CPLANE1: variants seen among roughly 807,000 people sequenced by gnomAD.
The protein encoded by CPLANE1 is ciliogenesis and planar polarity effector complex subunit 1.
A neutral mutation model predicts 362.5 loss-of-function variants in CPLANE1; 263 were observed. That is an observed-to-expected ratio of 0.73 (90% CI 0.66 to 0.80). CPLANE1 has a LOEUF of 0.80. Ranked by LOEUF, CPLANE1 falls within the 30% of genes least tolerant of loss-of-function variation. The pLI, the probability that CPLANE1 is intolerant of heterozygous loss-of-function variation, is 0.00. For missense variants in CPLANE1, 3,461 were observed against 3,793.4 expected, an observed-to-expected ratio of 0.91 and a Z score of 2.30; for synonymous variants, 1,212 against 1,302.6, an observed-to-expected ratio of 0.93 and a Z score of 1.50.
intron 46 of CPLANE1, among the ~76,000 whole-genome samples, chr5:37,138,335 T>C (rs1768452483): frequency 6.6e-6 from 1 of 152,252 alleles, no homozygotes; most frequent in Non-Finnish European, 1.5e-5. Context: ...AAGTCTGTTT[T>C]ATCTGATATA....
intron 21 of CPLANE1, among the ~76,000 whole-genome samples, chr5:37,189,298 G>A (rs539688214): frequency 1.7e-3 from 256 of 152,290 alleles, no homozygotes; most frequent in African/African-American, 5.6e-3. Flanking sequence ...CAGAAAGCAG[G>A]TCTTCTACAC....
Position 37,226,776 on chromosome 5 carries a change from A to C in CPLANE1, c.1819T>G (p.Tyr607Asp). 6.5e-7 allele frequency: 1 copy of C among 1,533,814 alleles called. No individual in the cohort carries two copies. The highest frequency in any genetic ancestry group is 1.4e-5 in the African/African-American group (1 of 72,306). Residue 607 changes from tyrosine (Y) to aspartate (D), a missense_variant, in exon 12 of 53, where the codon TAC becomes GAC. By Grantham distance (160) the Tyr-to-Asp change is radical. Transcript: ENST00000651892. ...GGACATTTTATAAATTGAAGAATGT[A>C]AAAAAAATGAGTGATACAAACTACT... ...YIVVCITHFFYILQFIKCPFP... is the reference protein window; with the variant it reads ...YIVVCITHFFDILQFIKCPFP...
chr5:37,148,709 G>A (rs1317736429), intron 42 of CPLANE1, among the ~76,000 whole-genome samples: 4 of 152,146 alleles, frequency 2.6e-5, no homozygotes, highest in Non-Finnish European at 4.4e-5. Context: ...AAGTGAAGAT[G>A]TTTGTATTTA....
intron 35 of CPLANE1, among the ~76,000 whole-genome samples, 171 bp downstream of exon 35, chr5:37,166,876 A>T (rs1280559345): frequency 6.6e-6 from 1 of 152,240 alleles, no homozygotes; most frequent in African/African-American, 2.4e-5. Context: ...GTCTCGCAAA[A>T]TAGGAATTTT....
intron 46 of CPLANE1, among the ~76,000 whole-genome samples, chr5:37,129,966 C>T (rs998717604): frequency 1.3e-5 from 2 of 152,102 alleles, no homozygotes; most frequent in Admixed American, 6.5e-5. Flanking sequence ...CAGCACAATT[C>T]GCAATTGCAA....
At chr5:37,102,440 G>A (rs568505258), downstream of CPLANE1, among the ~76,000 whole-genome samples, 13 of 152,132 alleles carry the variant, frequency 8.5e-5, no homozygotes, top group East Asian at 1.5e-3. Flanking sequence ...CACCCACCTC[G>A]GCCTCCCAAA....
At chr5:37,077,567 G>C in the CPLANE1 span, among the ~76,000 whole-genome samples, 20 of 145,034 alleles carry the variant, frequency 1.4e-4, no homozygotes, top group African/African-American at 4.8e-4. Context: ...AAATATTTAT[G>C]AATACACTAT....
At chr5:37,212,453 T>C (rs1290654806) in intron 16 of CPLANE1, 2 of 717,392 alleles carry the variant, frequency 2.8e-6, no homozygotes, top group East Asian at 5.2e-5. Context: ...TTGTAAATGT[T>C]TCTCTATCAA....
intron 31 of CPLANE1, among the ~76,000 whole-genome samples, chr5:37,175,423 T>C (rs567216183): frequency 6.6e-6 from 1 of 152,228 alleles, no homozygotes; most frequent in Non-Finnish European, 1.5e-5. Context: ...TATTGGGCTT[T>C]GCTTTCAACA....
At chr5:37,172,134 CTTCT>C (rs1403550060) in intron 32 of CPLANE1, among the ~76,000 whole-genome samples, 4 of 151,994 alleles carry the variant, frequency 2.6e-5, no homozygotes, top group African/African-American at 4.8e-5. Context: ...AAGAGGCTGG[CTTCT>C]TTCTATTTTT....
chr5:37,242,222 C>T (rs906805014), intron 6 of CPLANE1, among the ~76,000 whole-genome samples: 44 of 151,794 alleles, frequency 2.9e-4, no homozygotes, highest in African/African-American at 4.8e-5. Flanking sequence ...GGCCTGGTGG[C>T]GGGCACCTGT....
At chr5:37,212,057 G>A in intron 16 of CPLANE1, 1 of 902,272 alleles carries the variant, frequency 1.1e-6, no homozygotes, top group Non-Finnish European at 1.9e-6. Context: ...AAGAAAGAAG[G>A]CAGAGTAACC....
chr5:37,107,623 G>A lies in CPLANE1; in HGVS notation c.9735C>T (p.Val3245=), dbSNP rs757516761. 9 of 1,610,746 alleles carry A rather than the reference G, an allele frequency of 5.6e-6. No individual in the cohort carries two copies. Among genetic ancestry groups the A allele is most frequent in the South Asian group, 1.1e-5 (1 of 90,504 alleles). ...GGTCTTACAGGTCCAGGGCCCAGTG[G>A]ACAGACAGGCCCTGGTCCTCCACGC... is the stretch of plus-strand genomic sequence containing the variant. ...VASVEDQGLS[V]HWALDL The change falls in exon 53 of 53, where the codon GTC becomes GTT. Residue 3245 remains valine (V), a synonymous_variant. Coordinates refer to ENST00000651892, the MANE Select transcript of CPLANE1 (RefSeq NM_001384732.1).
intron 15 of CPLANE1, among the ~76,000 whole-genome samples, chr5:37,220,227 G>A (rs916177059): frequency 3.3e-5 from 5 of 150,622 alleles, no homozygotes; most frequent in South Asian, 2.1e-4. Context: ...CTCCAGCCTC[G>A]GCAACAGAAT....
At chr5:37,102,923 G>A (rs1757364978), downstream of CPLANE1, among the ~76,000 whole-genome samples, 1 of 152,170 alleles carries the variant, frequency 6.6e-6, no homozygotes, top group African/African-American at 2.4e-5. Flanking sequence ...TTGATCCAGA[G>A]CTGAGTTCAG....
chr5:37,187,855 C>G lies in CPLANE1; in HGVS notation c.3812-13G>C. The G allele has an allele frequency of 6.3e-7, 1 of 1,591,278 alleles. No individual in the cohort carries two copies. ...TCTCTGAAGCAACCTAAAGCAGGAA[C>G]ACAAATATGAAAGAAAATCACATGA... On this transcript the variant is annotated splice_polypyrimidine_tract_variant and intron_variant, in intron 21 of 52. Transcript: ENST00000651892.
intron 21 of CPLANE1, among the ~76,000 whole-genome samples, chr5:37,192,853 C>CAAAAAA (rs1167999028): frequency 1.3e-5 from 1 of 74,884 alleles, no homozygotes; most frequent in African/African-American, 4.9e-5. Flanking sequence ...TAGACTCCAT[C>CAAAAAA]AAAAAAAAAA....
At chr5:37,171,259 T>A (rs1779720248) in intron 32 of CPLANE1, among the ~76,000 whole-genome samples, 1 of 152,164 alleles carries the variant, frequency 6.6e-6, no homozygotes, top group Admixed American at 6.5e-5. Context: ...TTGGCTTAGC[T>A]GGAACAAGAG....
intron 8 of CPLANE1, among the ~76,000 whole-genome samples, chr5:37,236,079 T>C (rs1428491257): frequency 6.6e-6 from 1 of 151,826 alleles, no homozygotes. Context: ...TTCTCCATGT[T>C]GGTCAGTATG....
Sources: gnomAD v4.1 joint callset for allele counts (sites outside exome capture counted in the v4.1 genomes callset) on GRCh38, gnomAD v4.1.1 for gene constraint, MANE v1.5 for transcripts, NCBI Gene and HGNC (gene_info 2026-07-23, HGNC 2026-07-21) for gene names.